Variants in CNTRL observed in about 807,000 individuals in gnomAD.
CNTRL encodes the protein centriolin, also known as 110 kDa centrosomal protein.
A neutral mutation model predicts 303.7 loss-of-function variants in CNTRL; 233 were observed. The ratio of observed to expected loss-of-function variants is 0.77; its 90% CI spans 0.69 to 0.86. The LOEUF is 0.86. Among genes scored for constraint, CNTRL ranks in the 40% least tolerant of loss-of-function variants. CNTRL has a pLI of 0.00. For synonymous variants in CNTRL, 900 were observed against 922.2 expected (o/e 0.98, Z 0.44); for missense variants, 2,524 against 2,650.6 (o/e 0.95, Z 1.05).
At chr9:121,128,042 C>T (rs1459994245) in intron 14 of CNTRL, among the ~76,000 whole-genome samples, 1 of 152,068 alleles carries the variant, frequency 6.6e-6, no homozygotes, top group African/African-American at 2.4e-5. Context: ...TCCAGTCTAT[C>T]GTTGATGGAC....
chr9:121,135,844 T>A lies in CNTRL; in HGVS notation c.2064T>A (p.His688Gln), dbSNP rs2051160210. ...TAGAAAGTGCCCTCCAAGAGCAGCA[T>A]GAGGTGAATGCATCTTTGCAGCAGA... Reference protein sequence around the residue: ...AELESALQEQHEVNASLQQTQ... With the variant: ...AELESALQEQQEVNASLQQTQ... Residue 688 changes from histidine to glutamine, a missense_variant, in exon 15 of 44, where the codon CAT (histidine) becomes CAA (glutamine). Coordinates refer to ENST00000373855, the MANE Select transcript of CNTRL (RefSeq NM_007018.6). 1.9e-6 allele frequency: 3 copies of A among 1,613,712 alleles called. No individual in the cohort carries two copies. The Admixed American group carries it at 5.0e-5, about 27-fold the overall frequency.
chr9:121,100,078 G>A (rs1466844900), intron 7 of CNTRL, among the ~76,000 whole-genome samples: 4 of 152,102 alleles, frequency 2.6e-5, no homozygotes, highest in African/African-American at 4.8e-5. Context: ...GATACTCCTC[G>A]AGAATAGCAA....
intron 2 of CNTRL, among the ~76,000 whole-genome samples, chr9:121,086,582 C>A (rs2048350329): frequency 6.6e-6 from 1 of 151,602 alleles, no homozygotes; most frequent in Admixed American, 6.6e-5. Context: ...CATGGGGGAC[C>A]ACCTTGTAGG....
rs1224723459 is a variant in CNTRL at position 121,092,553 on chromosome 9, T to G, written c.348+2148T>G. Among the ~76,000 whole-genome samples the G allele has an allele frequency of 2.6e-4, 6 of 22,732 alleles. 2 individuals are homozygous for G. The highest frequency in any genetic ancestry group is 7.5e-4 in the African/African-American group (5 of 6,646). The allele number at this position is 22,732 out of a possible 152,430, so 14.9% of individuals were successfully genotyped here. A position where few individuals can be genotyped will look rare whatever the true frequency, so the allele number is the denominator to read the frequency against. On this transcript the variant is annotated intron_variant, in intron 4 of 43. Transcript: ENST00000373855. ...TATATCTATATATATTATATATATC[T>G]ATATATATAATATATATCTATATAT...
At chr9:121,146,752 C>T (rs2051884997) in intron 23 of CNTRL, among the ~76,000 whole-genome samples, 1 of 152,184 alleles carries the variant, frequency 6.6e-6, no homozygotes, top group Non-Finnish European at 1.5e-5. Flanking sequence ...CAGACCTGAC[C>T]TGTATTCTCT....
At chr9:121,095,455 T>C (rs886993315) in intron 5 of CNTRL, among the ~76,000 whole-genome samples, 5 of 152,210 alleles carry the variant, frequency 3.3e-5, no homozygotes, top group African/African-American at 4.8e-5. Context: ...TCAATCCTGT[T>C]TCCAATTCAT....
chr9:121,128,998 A>G (rs1294669737), intron 14 of CNTRL, among the ~76,000 whole-genome samples: 1 of 152,124 alleles, frequency 6.6e-6, no homozygotes, highest in Admixed American at 6.5e-5. Flanking sequence ...CCATTGGTCT[A>G]TATATCTGTT....
At chr9:121,171,592 A>G (rs2053307915) in intron 40 of CNTRL, 44 bp downstream of exon 40, 1 of 1,594,950 alleles carries the variant, frequency 6.3e-7, no homozygotes, top group Non-Finnish European at 8.6e-7. Context: ...GGGAGAGAGG[A>G]CTCACTGGGC....
At chr9:121,131,535 GA>G (rs1588196937) in intron 14 of CNTRL, among the ~76,000 whole-genome samples, 1 of 152,180 alleles carries the variant, frequency 6.6e-6, no homozygotes, top group Non-Finnish European at 1.5e-5. Flanking sequence ...CTCTGCACAT[GA>G]GATGGGTCTC....
intron 42 of CNTRL, 142 bp downstream of exon 42, chr9:121,173,879 C>G (rs1324121610): frequency 1.3e-6 from 1 of 788,898 alleles, no homozygotes; most frequent in Non-Finnish European, 2.2e-6. Context: ...ATGTCTGAAG[C>G]TTCGAGGAGT....
intron 2 of CNTRL, among the ~76,000 whole-genome samples, chr9:121,082,784 A>G (rs1379873987): frequency 6.6e-6 from 1 of 152,120 alleles, no homozygotes; most frequent in Non-Finnish European, 1.5e-5. Flanking sequence ...AGCCTGGCCA[A>G]TATGGTGAAA....
intron 42 of CNTRL, among the ~76,000 whole-genome samples, chr9:121,174,239 T>G (rs1350165198): frequency 6.6e-6 from 1 of 152,072 alleles, no homozygotes; most frequent in Non-Finnish European, 1.5e-5. Context: ...CCTAAAGATT[T>G]GAGAGTTAAG....
In CNTRL at chr9:121,124,022, T is replaced by C; in HGVS notation, c.1742T>C (p.Ile581Thr). 6.2e-7 allele frequency: 1 copy of C among 1,613,176 alleles called. No individual in the cohort carries two copies. The highest frequency in any genetic ancestry group is 8.5e-7 in the Non-Finnish European group (1 of 1,179,540). ...YQQLESRLDEILSRIAKETEE... is the reference protein window; with the variant it reads ...YQQLESRLDETLSRIAKETEE... ...CAACTTGAAAGTCGTTTGGATGAGA[T>C]ACTTTCTAGAATTGCTAAGGAAACG... Residue 581 changes from isoleucine to threonine, a missense_variant, in exon 13 of 44, where the codon ATA becomes ACA. Coordinates refer to ENST00000373855, the MANE Select transcript of CNTRL (RefSeq NM_007018.6).
intron 2 of CNTRL, among the ~76,000 whole-genome samples, chr9:121,085,540 G>A (rs897031023): frequency 6.6e-6 from 1 of 152,170 alleles, no homozygotes; most frequent in Non-Finnish European, 1.5e-5. Flanking sequence ...ACACCATGGA[G>A]CTGCTGGGAA....
At chr9:121,123,120 AC>A (rs1354654519) in intron 12 of CNTRL, among the ~76,000 whole-genome samples, 1 of 152,174 alleles carries the variant, frequency 6.6e-6, no homozygotes, top group Non-Finnish European at 1.5e-5. Flanking sequence ...TTACTTATCT[AC>A]TATAAAAGTT....
At chr9:121,084,522 A>G (rs943627534) in intron 2 of CNTRL, among the ~76,000 whole-genome samples, 1 of 151,044 alleles carries the variant, frequency 6.6e-6, no homozygotes, top group African/African-American at 2.4e-5. Context: ...AGCACACTGT[A>G]TGCCTAGGAT....
chr9:121,169,500 C>CT, intron 38 of CNTRL, 111 bp from the exon 39 acceptor site: 1 of 1,032,976 alleles, frequency 9.7e-7, no homozygotes, highest in Admixed American at 2.0e-5. Context: ...TGGAGGAAAG[C>CT]ACCTGCATGG....
At chr9:121,117,331 T>G (rs941340631) in intron 11 of CNTRL, among the ~76,000 whole-genome samples, 3 of 152,202 alleles carry the variant, frequency 2.0e-5, no homozygotes, top group African/African-American at 7.2e-5. Context: ...CATATTTTAT[T>G]TCTTTTCAGT....
chr9:121,113,712 A>C lies in CNTRL; in HGVS notation c.1333A>C (p.Lys445Gln). ...LDTQLEDKEK[K>Q]ISAAQTRLSE... ...CACGCAACTGGAAGACAAAGAAAAAAAAATAAGTGCAGGTTAAAAAAAGTT... is the reference window on the plus strand; with the variant it reads ...CACGCAACTGGAAGACAAAGAAAAACAAATAAGTGCAGGTTAAAAAAAGTT... Residue 445 changes from lysine (K) to glutamine (Q), a missense_variant, in exon 10 of 44, where the codon AAA (lysine) becomes CAA (glutamine). Coordinates refer to ENST00000373855, the MANE Select transcript of CNTRL (RefSeq NM_007018.6). The C allele has an allele frequency of 6.5e-7, 1 of 1,535,618 alleles. No individual in the cohort carries two copies. The highest frequency in any genetic ancestry group is 8.7e-7 in the Non-Finnish European group (1 of 1,148,596).
Sources: allele counts gnomAD v4.1 joint callset (sites outside exome capture counted in the v4.1 genomes callset), GRCh38; gene constraint gnomAD v4.1.1; transcripts MANE v1.5; gene names NCBI Gene and HGNC (gene_info 2026-07-23, HGNC 2026-07-21).